The following HOOK3 variants were observed in gnomAD, a reference collection of about 807,000 sequenced individuals.
HOOK3 encodes the protein protein Hook homolog 3.
HOOK3 carries 24 observed loss-of-function variants against 116.3 expected under a neutral mutation model. That is an observed-to-expected ratio of 0.21 (90% CI 0.15 to 0.29). The LOEUF (loss-of-function observed/expected upper bound fraction) is 0.29. Ranked by LOEUF, HOOK3 falls within the 10% of genes least tolerant of loss-of-function variation. The pLI is 1.00. For missense variants in HOOK3, 632 were observed against 830.2 expected (o/e 0.76, Z 2.93); for synonymous variants, 275 against 283.0 (o/e 0.97, Z 0.28).
chr8:42,992,710 CAAAAAAAAAAAA>C (rs35064772), intron 15 of HOOK3, among the ~76,000 whole-genome samples: 5 of 56,608 alleles, frequency 8.8e-5, no homozygotes, highest in South Asian at 6.6e-4. Flanking sequence ...GACTCCATCT[CAAAAAAAAAAAA>C]AAAAAAAAAG....
At chr8:42,898,543 G>T (rs1488307845) in intron 1 of HOOK3, among the ~76,000 whole-genome samples, 1 of 152,242 alleles carries the variant, frequency 6.6e-6, no homozygotes, top group African/African-American at 2.4e-5. Flanking sequence ...GGAAGGAATA[G>T]ATTTGGCAGA....
chr8:42,948,534 C>G (rs937554246), intron 5 of HOOK3, among the ~76,000 whole-genome samples: 1 of 152,198 alleles, frequency 6.6e-6, no homozygotes, highest in African/African-American at 2.4e-5. Flanking sequence ...ACCCCTCACC[C>G]CTCGAGTCCA....
chr8:42,956,322 C>G (rs1808436158), intron 6 of HOOK3, among the ~76,000 whole-genome samples: 1 of 148,990 alleles, frequency 6.7e-6, no homozygotes, highest in African/African-American at 2.5e-5. Context: ...CACATTTATT[C>G]TTTAGAAATA....
intron 5 of HOOK3, among the ~76,000 whole-genome samples, chr8:42,945,973 C>T (rs144452539): frequency 1.2e-4 from 18 of 152,032 alleles, no homozygotes; most frequent in African/African-American, 4.3e-4. Flanking sequence ...TCTTAAATAG[C>T]TTTTTTCTCT....
chr8:42,961,798 G>GT (rs1563301908), intron 8 of HOOK3, among the ~76,000 whole-genome samples: 1 of 151,992 alleles, frequency 6.6e-6, no homozygotes, highest in Non-Finnish European at 1.5e-5. Flanking sequence ...GTTTTGTTTT[G>GT]TTTTTTGAGA....
chr8:42,959,668 G>A (rs1395777506), intron 8 of HOOK3, among the ~76,000 whole-genome samples: 2 of 135,026 alleles, frequency 1.5e-5, no homozygotes, highest in Non-Finnish European at 3.1e-5. Context: ...GCAGTGAGCC[G>A]AGATTGTGCC....
At chr8:42,989,295 T>G (rs1350575040) in intron 15 of HOOK3, among the ~76,000 whole-genome samples, 1 of 152,202 alleles carries the variant, frequency 6.6e-6, no homozygotes, top group East Asian at 1.9e-4. Context: ...TTGATTAAAA[T>G]GTTAACTATC....
intron 13 of HOOK3, among the ~76,000 whole-genome samples, chr8:42,978,295 T>A (rs1159066243): frequency 6.6e-6 from 1 of 152,106 alleles, no homozygotes; most frequent in Non-Finnish European, 1.5e-5. Context: ...CAGGCTGGAG[T>A]GCAATGGCAT....
chr8:42,905,537 C>T (rs1023811040), intron 1 of HOOK3, among the ~76,000 whole-genome samples: 2 of 151,896 alleles, frequency 1.3e-5, no homozygotes, highest in African/African-American at 4.8e-5. Context: ...TTGTCTTTTC[C>T]CTGTGTGTCC....
At chr8:42,908,832 T>G (rs1807365278) in intron 2 of HOOK3, among the ~76,000 whole-genome samples, 1 of 152,068 alleles carries the variant, frequency 6.6e-6, no homozygotes. Context: ...AACTGAAAAC[T>G]TTTGCATGAC....
intron 21 of HOOK3, 76 bp from the exon 22 acceptor site, chr8:43,018,282 G>T: frequency 7.4e-7 from 1 of 1,354,900 alleles, no homozygotes; most frequent in Non-Finnish European, 1.0e-6. Flanking sequence ...AACAAATTCT[G>T]CATGATGAAA....
At chr8:42,982,815 C>T in intron 14 of HOOK3, 119 bp downstream of exon 14, 1 of 676,674 alleles carries the variant, frequency 1.5e-6, no homozygotes, top group Non-Finnish European at 2.5e-6. Flanking sequence ...TCAACATGAA[C>T]TCAGTGTTAA....
intron 6 of HOOK3, among the ~76,000 whole-genome samples, chr8:42,955,731 C>A (rs924715419): frequency 6.6e-6 from 1 of 152,086 alleles, no homozygotes; most frequent in Non-Finnish European, 1.5e-5. Context: ...GCCTAGAAGT[C>A]TTCCTGATGT....
At position 42,943,392 on chromosome 8, in the gene HOOK3, G is replaced by A; in HGVS notation, c.347G>A (p.Gly116Glu). Residue 116 changes from glycine (G) to glutamate (E), a missense_variant, in exon 5 of 22, where the codon GGA (glycine) becomes GAA (glutamate). By Grantham distance (98) the Gly-to-Glu change is moderately conservative (BLOSUM62 -2). Coordinates refer to ENST00000307602, the MANE Select transcript of HOOK3 (RefSeq NM_032410.4). ...IGEHSDAAELGRMLQLILGCA... is the reference protein window; with the variant it reads ...IGEHSDAAELERMLQLILGCA... ...GAGCATTCTGATGCAGCAGAGCTTG[G>A]AAGGATGCTTCAGCTCATCTTAGGC... 1 of 1,571,674 alleles carries A rather than the reference G, an allele frequency of 6.4e-7. No individual in the cohort carries two copies. The highest frequency in any genetic ancestry group is 8.6e-7 in the Non-Finnish European group (1 of 1,157,894).
chr8:42,963,597 A>G (rs942035556), intron 8 of HOOK3, among the ~76,000 whole-genome samples: 6 of 152,128 alleles, frequency 3.9e-5, no homozygotes, highest in South Asian at 2.1e-4. Context: ...TTGCTAAACT[A>G]TTTTCCAAAA....
At position 43,018,359 on chromosome 8, in the gene HOOK3, G is replaced by T. The variant is rs1181702138; in HGVS notation, c.2018G>T (p.Gly673Val). The change falls in exon 22 of 22, where the codon GGA becomes GTA. Residue 673 changes from glycine to valine, a missense_variant and splice_region_variant. Around this residue, in one of 3 missense-constraint regions of HOOK3, gnomAD observed 483 missense variants for 648.1 expected, o/e 0.75. Transcript: ENST00000307602. ...KYIVSAWYNM[G>V]MTLHKKAAED... is the part of the protein sequence containing the mutation. ...CCTTTTTTTGTTTTAATGTTGCAGG[G>T]AATGACCCTGCATAAAAAGGCAGCT... The T allele has an allele frequency of 6.3e-7, 1 of 1,587,956 alleles. No homozygotes were observed. Among genetic ancestry groups the T allele is most frequent in the Non-Finnish European group, 8.5e-7 (1 of 1,170,618 alleles).
intron 2 of HOOK3, among the ~76,000 whole-genome samples, chr8:42,907,050 C>G (rs1807324457): frequency 6.6e-6 from 1 of 152,166 alleles, no homozygotes. Flanking sequence ...ATATGACTAT[C>G]AGCTTTTGAC....
intron 13 of HOOK3, among the ~76,000 whole-genome samples, chr8:42,977,464 A>C (rs1808850476): frequency 6.6e-6 from 1 of 152,172 alleles, no homozygotes; most frequent in African/African-American, 2.4e-5. Flanking sequence ...TGGGCTGATG[A>C]TTCCATATAA....
intron 2 of HOOK3, 40 bp from the exon 3 acceptor site, chr8:42,925,517 C>G (rs762244200): frequency 3.0e-6 from 4 of 1,329,544 alleles, no homozygotes; most frequent in Non-Finnish European, 4.2e-6. Flanking sequence ...AGCTTGATAG[C>G]TACATGATTT....
Sources: allele counts gnomAD v4.1 joint callset (sites outside exome capture counted in the v4.1 genomes callset), GRCh38; gene constraint gnomAD v4.1.1; regional missense constraint gnomAD v4.1.1; transcripts MANE v1.5; gene names NCBI Gene and HGNC (gene_info 2026-07-23, HGNC 2026-07-21).